Variants in KIAA1328 observed in about 807,000 individuals in gnomAD.
KIAA1328 encodes the protein protein hinderin.
KIAA1328 carries 52 observed loss-of-function variants against 68.1 expected under a neutral mutation model. The observed-to-expected ratio is 0.76, with a 90% CI of 0.61 to 0.96. The LOEUF (loss-of-function observed/expected upper bound fraction) is 0.96, where lower values mean the gene tolerates loss of function less well. Among genes scored for constraint, KIAA1328 ranks in the 40% least tolerant of loss-of-function variants. KIAA1328 has a pLI of 0.00. For missense variants in KIAA1328, 641 were observed against 677.6 expected (o/e 0.95, Z 0.60); for synonymous variants, 232 against 239.4 (o/e 0.97, Z 0.28).
At chr18:36,875,754 A>G (rs996627617) in intron 4 of KIAA1328, among the ~76,000 whole-genome samples, 1 of 152,216 alleles carries the variant, frequency 6.6e-6, no homozygotes, top group African/African-American at 2.4e-5. Context: ...CAGGTTTTCA[A>G]AGGGAATGCT....
intron 5 of KIAA1328, among the ~76,000 whole-genome samples, chr18:36,889,047 G>A (rs563779545): frequency 5.9e-5 from 9 of 152,264 alleles, no homozygotes; most frequent in Admixed American, 5.9e-4. Flanking sequence ...TAGTAAAAAG[G>A]AAAAGATATT....
chr18:37,187,534 A>T lies in KIAA1328; in HGVS notation c.1523+14453A>T, dbSNP rs145088431. On this transcript the variant is annotated intron_variant, in intron 9 of 9. Transcript: ENST00000280020. ...ACAGTTGTGTTTCTTAACATACATG[A>T]ATAACCCATCCTTTCTACATTTTGA... Among the ~76,000 whole-genome samples the T allele has an allele frequency of 2.4e-3, 369 of 152,336 alleles. 2 individuals are homozygous for T. Among genetic ancestry groups the T allele is most frequent in the African/African-American group, 8.7e-3 (361 of 41,570 alleles).
chr18:37,228,253 A>G (rs576556453), downstream of KIAA1328, among the ~76,000 whole-genome samples: 13 of 152,356 alleles, frequency 8.5e-5, no homozygotes, highest in South Asian at 2.5e-3. Context: ...AAATGACAAC[A>G]AAAGACTTAG....
At chr18:36,981,832 A>G (rs1399223082) in intron 6 of KIAA1328, among the ~76,000 whole-genome samples, 1 of 151,214 alleles carries the variant, frequency 6.6e-6, no homozygotes, top group African/African-American at 2.4e-5. Flanking sequence ...CCTGGTCTCA[A>G]GTGATCCACC....
rs1223124139 is a variant in KIAA1328 at position 36,834,304 on chromosome 18, A to G, written c.59-16A>G. On this transcript the variant is annotated splice_polypyrimidine_tract_variant and intron_variant, in intron 1 of 9. Transcript: ENST00000280020. ...GGATAATATTATTGTATTTTCCTTCATGTTCTCCTGCGTAGTTTCTGATGA... is the reference window on the plus strand; with the variant it reads ...GGATAATATTATTGTATTTTCCTTCGTGTTCTCCTGCGTAGTTTCTGATGA... The G allele has an allele frequency of 1.3e-6, 2 of 1,566,000 alleles. No individual in the cohort carries two copies. The highest frequency in any genetic ancestry group is 4.6e-5 in the East Asian group (2 of 43,368).
chr18:36,836,369 G>A (rs2150772426), intron 3 of KIAA1328, among the ~76,000 whole-genome samples: 1 of 152,150 alleles, frequency 6.6e-6, no homozygotes, highest in Non-Finnish European at 1.5e-5. Context: ...TCATATTTTT[G>A]TCCTATTGGC....
chr18:37,170,097 T>C (rs976672965), intron 8 of KIAA1328, among the ~76,000 whole-genome samples: 1 of 152,204 alleles, frequency 6.6e-6, no homozygotes, highest in Non-Finnish European at 1.5e-5. Context: ...ACCCAGACAA[T>C]TGTATTAGTA....
At chr18:37,117,413 G>A (rs1263473796) in intron 7 of KIAA1328, among the ~76,000 whole-genome samples, 1 of 152,126 alleles carries the variant, frequency 6.6e-6, no homozygotes, top group Non-Finnish European at 1.5e-5. Flanking sequence ...AACACCACAT[G>A]TTCTCACTCA....
chr18:37,052,300 TG>T (rs1203088365), intron 6 of KIAA1328, among the ~76,000 whole-genome samples: 3 of 152,110 alleles, frequency 2.0e-5, no homozygotes, highest in African/African-American at 7.2e-5. Flanking sequence ...CATCTCTTCA[TG>T]ATAAAAACCC....
At chr18:36,879,184 C>A (rs1234085105) in intron 4 of KIAA1328, among the ~76,000 whole-genome samples, 2 of 151,860 alleles carry the variant, frequency 1.3e-5, no homozygotes, top group African/African-American at 2.4e-5. Flanking sequence ...ATGTTAGTAA[C>A]CTTTGGATGG....
chr18:36,897,288 C>A (rs543519306), intron 5 of KIAA1328, among the ~76,000 whole-genome samples: 1 of 152,134 alleles, frequency 6.6e-6, no homozygotes, highest in Admixed American at 6.6e-5. Flanking sequence ...ATCAGAACAT[C>A]CCCAAGCAGT....
chr18:37,022,561 C>T (rs950447888), intron 6 of KIAA1328, among the ~76,000 whole-genome samples: 12 of 152,012 alleles, frequency 7.9e-5, no homozygotes, highest in Non-Finnish European at 4.4e-5. Flanking sequence ...AATAATATGA[C>T]CTGGAAAGTG....
chr18:37,212,089 A>G (rs1387490399), intron 9 of KIAA1328, among the ~76,000 whole-genome samples: 1 of 152,242 alleles, frequency 6.6e-6, no homozygotes, highest in East Asian at 1.9e-4. Flanking sequence ...ATATACCACA[A>G]GATTTTCATA....
At chr18:36,986,330 A>C (rs2052922315) in intron 6 of KIAA1328, among the ~76,000 whole-genome samples, 1 of 152,150 alleles carries the variant, frequency 6.6e-6, no homozygotes, top group African/African-American at 2.4e-5. Flanking sequence ...TTTAAAAATC[A>C]ATTCAAGATG....
intron 3 of KIAA1328, among the ~76,000 whole-genome samples, chr18:36,838,832 T>C (rs895617544): frequency 1.3e-5 from 2 of 152,164 alleles, no homozygotes; most frequent in Non-Finnish European, 2.9e-5. Context: ...CTTCCCAGGT[T>C]CAAGTGATTC....
At chr18:37,076,403 C>T (rs1276741561) in intron 7 of KIAA1328, among the ~76,000 whole-genome samples, 1 of 151,808 alleles carries the variant, frequency 6.6e-6, no homozygotes, top group Non-Finnish European at 1.5e-5. Flanking sequence ...AATTGACACC[C>T]TAACATCCCA....
chr18:37,167,563 C>G (rs1326109162), intron 8 of KIAA1328, among the ~76,000 whole-genome samples: 2 of 152,054 alleles, frequency 1.3e-5, no homozygotes, highest in Non-Finnish European at 2.9e-5. Flanking sequence ...CTGCATCGTT[C>G]CACCGGTCAA....
At chr18:36,853,815 C>T (rs1419451103) in intron 4 of KIAA1328, among the ~76,000 whole-genome samples, 1 of 152,064 alleles carries the variant, frequency 6.6e-6, no homozygotes, top group African/African-American at 2.4e-5. Flanking sequence ...GCCACCAAGC[C>T]CAGCTAATTT....
intron 1 of KIAA1328, among the ~76,000 whole-genome samples, chr18:36,833,550 A>T (rs893782135): frequency 2.0e-5 from 3 of 152,240 alleles, no homozygotes; most frequent in African/African-American, 7.2e-5. Flanking sequence ...TAGAAATGAC[A>T]TAACTATTAA....
Sources: gnomAD v4.1 joint callset for allele counts (sites outside exome capture counted in the v4.1 genomes callset) on GRCh38, gnomAD v4.1.1 for gene constraint, MANE v1.5 for transcripts, NCBI Gene and HGNC (gene_info 2026-07-23, HGNC 2026-07-21) for gene names.